The following TEK variants were observed in gnomAD, a reference collection of about 807,000 sequenced individuals.
TEK encodes TEK receptor tyrosine kinase, also known as angiopoietin-1 receptor.
Under a neutral mutation model 131.8 loss-of-function variants are expected in TEK, and 43 were observed. That is an observed-to-expected ratio of 0.33 (90% CI 0.26 to 0.42). The LOEUF is 0.42. TEK is among the 10% of genes least tolerant of loss of function. The pLI is 1.00. For synonymous variants in TEK, 580 were observed against 491.6 expected (o/e 1.18, Z -2.38); for missense variants, 1,162 against 1,384.4 (o/e 0.84, Z 2.55).
Position 27,109,316 on chromosome 9 carries a change from G to A in TEK, c.-275G>A. The A allele has an allele frequency of 1.8e-6, 1 of 546,688 alleles. No individual in the cohort carries two copies. Among genetic ancestry groups the A allele is most frequent in the Non-Finnish European group, 3.1e-6 (1 of 319,948 alleles). 33.9% of individuals were successfully genotyped at this position (546,688 alleles called of 1,614,324 possible). A position where few individuals can be genotyped will look rare whatever the true frequency, so the allele number is the denominator to read the frequency against. ...ATTGCGAGATGGATAGGGCTTGAGT[G>A]CCCCCAGCCCTGCTGATACCAAATG... On this transcript the variant is annotated 5_prime_UTR_variant, in exon 1 of 23. Coordinates refer to ENST00000380036, the MANE Select transcript of TEK (RefSeq NM_000459.5).
In TEK at chr9:27,203,040, G is replaced by T; in HGVS notation, c.2130G>T (p.Val710=). The change falls in exon 13 of 23, where the codon GTG becomes GTT. Residue 710 remains valine, a synonymous_variant. Coordinates refer to ENST00000380036, the MANE Select transcript of TEK (RefSeq NM_000459.5). ...TAGAGCCTGAAACAGCATACCAGGTGGACATTTTTGCAGAGAACAACATAG... is the reference window on the plus strand; with the variant it reads ...TAGAGCCTGAAACAGCATACCAGGTTGACATTTTTGCAGAGAACAACATAG... ...KGLEPETAYQ[V]DIFAENNIGS... is the part of the protein sequence containing the mutation. 1 of 1,614,096 alleles carries T rather than the reference G, an allele frequency of 6.2e-7. No individual in the cohort carries two copies. The highest frequency in any genetic ancestry group is 1.7e-5 in the Admixed American group (1 of 60,000).
intron 6 of TEK, among the ~76,000 whole-genome samples, chr9:27,179,612 T>A (rs1824288900): frequency 6.6e-6 from 1 of 152,202 alleles, no homozygotes; most frequent in Admixed American, 6.5e-5. Flanking sequence ...CTTGGTAGGA[T>A]TCAAACCTCA....
chr9:27,202,792 G>A, intron 12 of TEK, 28 bp from the exon 13 acceptor site: 1 of 1,608,458 alleles, frequency 6.2e-7, no homozygotes. Context: ...TATATCTTAA[G>A]TGAATCTTTT....
chr9:27,198,184 T>C (rs761003246), intron 12 of TEK: 1 of 163,610 alleles, frequency 6.1e-6, no homozygotes, highest in Non-Finnish European at 1.3e-5. Flanking sequence ...GCAGAGAGTT[T>C]TATTTTGATT....
intron 20 of TEK, among the ~76,000 whole-genome samples, chr9:27,219,576 G>A (rs541648635): frequency 1.3e-3 from 172 of 136,748 alleles, no homozygotes; most frequent in Non-Finnish European, 2.3e-3. Context: ...GATAGGTGCA[G>A]CAAACCACCC....
At chr9:27,188,785 A>G (rs1209045359) in intron 9 of TEK, among the ~76,000 whole-genome samples, 1 of 152,134 alleles carries the variant, frequency 6.6e-6, no homozygotes, top group South Asian at 2.1e-4. Flanking sequence ...ATACAGGGGG[A>G]AAAAGACTCA....
intron 1 of TEK, among the ~76,000 whole-genome samples, chr9:27,156,081 G>A (rs10967741): frequency 0.2 from 30,585 of 152,054 alleles, 3,722 homozygotes; most frequent in Non-Finnish European, 0.28. Context: ...GGGATTGCAG[G>A]CATGAGCCAC....
At chr9:27,218,369 T>TTTTGA (rs1455357461) in intron 19 of TEK, among the ~76,000 whole-genome samples, 1 of 152,062 alleles carries the variant, frequency 6.6e-6, no homozygotes, top group African/African-American at 2.4e-5. Flanking sequence ...CTCTGCATAA[T>TTTTGA]TTTGAGGCAG....
At chr9:27,119,994 C>G (rs111894484) in intron 1 of TEK, among the ~76,000 whole-genome samples, 4,878 of 152,284 alleles carry the variant, frequency 0.032, 113 homozygotes, top group Middle Eastern at 0.061. Flanking sequence ...TTCCTTTAGT[C>G]TCCATTCTAC....
chr9:27,223,155 A>T (rs1361049218), intron 21 of TEK, among the ~76,000 whole-genome samples: 1 of 138,250 alleles, frequency 7.2e-6, no homozygotes, highest in Non-Finnish European at 1.6e-5. Context: ...AAAGAGACTT[A>T]AAGTCTCCCA....
chr9:27,167,251 T>C (rs886470281), intron 2 of TEK, among the ~76,000 whole-genome samples: 1 of 151,746 alleles, frequency 6.6e-6, no homozygotes, highest in African/African-American at 2.4e-5. Context: ...TTTTTGAGAC[T>C]GAGTCTTGCT....
chr9:27,125,773 C>G (rs1821963567), intron 1 of TEK, among the ~76,000 whole-genome samples: 1 of 152,044 alleles, frequency 6.6e-6, no homozygotes, highest in African/African-American at 2.4e-5. Context: ...TTTTGTATCT[C>G]CCTGTGCTAC....
chr9:27,196,762 C>CTTTTT (rs367911024), intron 11 of TEK, among the ~76,000 whole-genome samples: 4 of 99,284 alleles, frequency 4.0e-5, no homozygotes, highest in African/African-American at 1.6e-4. Context: ...GTGCTATACA[C>CTTTTT]TTTTTTTTTT....
intron 1 of TEK, among the ~76,000 whole-genome samples, chr9:27,156,003 A>G (rs951530389): frequency 5.9e-5 from 9 of 152,044 alleles, no homozygotes; most frequent in African/African-American, 1.7e-4. Context: ...ACGTTTCACC[A>G]TGTTGACCAG....
In TEK at chr9:27,229,479, A is replaced by G. The variant is rs1015148076; in HGVS notation, c.*247A>G. 1 of 528,408 alleles carries G rather than the reference A, an allele frequency of 1.9e-6. No individual in the cohort carries two copies. Among genetic ancestry groups the G allele is most frequent in the African/African-American group, 1.9e-5 (1 of 52,366 alleles). The allele number at this position is 528,408 out of a possible 1,614,324, so 32.7% of individuals were successfully genotyped here. ...AATGCCTGTTTGTGGTTTCATATGC[A>G]ATAATATATTTTTTTAAAAATGTGG... On this transcript the variant is annotated 3_prime_UTR_variant, in exon 23 of 23. Transcript: ENST00000380036.
rs1825277522 is a variant in TEK, at chr9:27,203,071, A to G, written c.2161A>G (p.Ser721Gly). The G allele has an allele frequency of 6.2e-7, 1 of 1,614,040 alleles. No homozygotes were observed. ...TTTTGCAGAGAACAACATAGGGTCA[A>G]GCAACCCAGCCTTTTCTCATGAACT... is the stretch of plus-strand genomic sequence containing the variant. ...DIFAENNIGS[S>G]NPAFSHELVT... Residue 721 changes from serine (S) to glycine (G), a missense_variant, in exon 13 of 23, where the codon AGC becomes GGC. Coordinates refer to ENST00000380036, the MANE Select transcript of TEK (RefSeq NM_000459.5).
chr9:27,195,788 G>C (rs1474599928), intron 11 of TEK: 1 of 426,926 alleles, frequency 2.3e-6, no homozygotes, highest in Non-Finnish European at 4.6e-6. Context: ...CCTGAGTCTG[G>C]AAGATGGATA....
chr9:27,132,516 T>C (rs7044842), intron 1 of TEK, among the ~76,000 whole-genome samples: 78,870 of 151,998 alleles, frequency 0.52, 21,464 homozygotes, highest in African/African-American at 0.57. Flanking sequence ...ACAGTGTCTT[T>C]CCTGGATATT....
intron 1 of TEK, among the ~76,000 whole-genome samples, chr9:27,156,100 G>C (rs1205157323): frequency 6.6e-6 from 1 of 152,146 alleles, no homozygotes; most frequent in Non-Finnish European, 1.5e-5. Context: ...ACTGTGCCTG[G>C]CCCGCACTTT....
Sources: gnomAD v4.1 joint callset for allele counts (sites outside exome capture counted in the v4.1 genomes callset) on GRCh38, gnomAD v4.1.1 for gene constraint, MANE v1.5 for transcripts, NCBI Gene and HGNC (gene_info 2026-07-23, HGNC 2026-07-21) for gene names.